The following KCNMB2 variants were observed in gnomAD, a reference collection of about 807,000 sequenced individuals.
KCNMB2 encodes calcium-activated potassium channel subunit beta-2.
Under a neutral mutation model 24.5 loss-of-function variants are expected in KCNMB2, and 9 were observed. The ratio of observed to expected loss-of-function variants is 0.37; its 90% confidence interval spans 0.22 to 0.64. The LOEUF (loss-of-function observed/expected upper bound fraction) is 0.64, where lower values mean the gene tolerates loss of function less well. Among genes scored for constraint, KCNMB2 ranks in the 30% least tolerant of loss-of-function variants. The pLI is 0.63. For synonymous variants in KCNMB2, 109 were observed against 104.4 expected, an observed-to-expected ratio of 1.04 and a Z score of -0.27; for missense variants, 226 against 284.3, an observed-to-expected ratio of 0.79 and a Z score of 1.47.
intron 1 of KCNMB2, among the ~76,000 whole-genome samples, chr3:178,749,892 C>G (rs927488361): frequency 6.6e-6 from 1 of 152,182 alleles, no homozygotes; most frequent in African/African-American, 2.4e-5. Flanking sequence ...TAATTTACCA[C>G]TCAGTATTTT....
chr3:178,547,305 A>G (rs1715806564), intron 1 of KCNMB2, among the ~76,000 whole-genome samples: 1 of 152,220 alleles, frequency 6.6e-6, no homozygotes, highest in Non-Finnish European at 1.5e-5. Context: ...AGTCTCAGGT[A>G]TTCTGTTATA....
intron 1 of KCNMB2, among the ~76,000 whole-genome samples, chr3:178,758,739 G>GATAT (rs543563641): frequency 3.2e-4 from 3 of 9,442 alleles, no homozygotes; most frequent in Non-Finnish European, 5.3e-4. Flanking sequence ...TCCAAGAGGA[G>GATAT]ATATATATAT....
intron 1 of KCNMB2, among the ~76,000 whole-genome samples, chr3:178,593,994 C>G (rs1332701630): frequency 1.3e-5 from 2 of 151,264 alleles, no homozygotes; most frequent in African/African-American, 4.9e-5. Context: ...CTTTGAGAGC[C>G]ATCACTTTGA....
chr3:178,748,827 T>C (rs1024000812), intron 1 of KCNMB2, among the ~76,000 whole-genome samples: 1 of 152,226 alleles, frequency 6.6e-6, no homozygotes. Context: ...TGGTGACCTA[T>C]GTCCACTATG....
At chr3:178,728,272 A>G (rs559431370) in intron 1 of KCNMB2, among the ~76,000 whole-genome samples, 1 of 152,300 alleles carries the variant, frequency 6.6e-6, no homozygotes, top group Non-Finnish European at 1.5e-5. Flanking sequence ...GGACCCTAAC[A>G]GTATTCACAT....
chr3:178,543,281 C>T (rs73050372), intron 1 of KCNMB2, among the ~76,000 whole-genome samples: 115 of 152,314 alleles, frequency 7.6e-4, no homozygotes, highest in African/African-American at 2.6e-3. Context: ...AAATGTCTGC[C>T]TCTCTGAGAT....
At chr3:178,822,237 G>T (rs1474315053) in intron 2 of KCNMB2, among the ~76,000 whole-genome samples, 2 of 152,182 alleles carry the variant, frequency 1.3e-5, no homozygotes, top group Non-Finnish European at 2.9e-5. Flanking sequence ...GAGTCTTTCT[G>T]TCTAAAATAC....
intron 1 of KCNMB2, among the ~76,000 whole-genome samples, chr3:178,557,747 C>T (rs774530386): frequency 6.6e-6 from 1 of 152,194 alleles, no homozygotes; most frequent in Non-Finnish European, 1.5e-5. Flanking sequence ...GAAATCTAAG[C>T]AGTGCATTGA....
intron 1 of KCNMB2, among the ~76,000 whole-genome samples, chr3:178,683,194 C>G (rs1577094679): frequency 6.6e-6 from 1 of 151,996 alleles, no homozygotes; most frequent in Admixed American, 6.6e-5. Flanking sequence ...AGCTAGAGAC[C>G]ATTATCCTTA....
At chr3:178,738,983 G>T (rs1169094042) in intron 1 of KCNMB2, among the ~76,000 whole-genome samples, 1 of 151,950 alleles carries the variant, frequency 6.6e-6, no homozygotes, top group African/African-American at 2.4e-5. Flanking sequence ...TGCAGGACAA[G>T]GGCATATATT....
chr3:178,795,137 T>C (rs1413520177), intron 1 of KCNMB2: 4 of 152,230 alleles, frequency 2.6e-5, no homozygotes, highest in African/African-American at 9.6e-5. Context: ...TTTGTTTTTT[T>C]TAAGGGCCCT....
At chr3:178,544,915 G>GT (rs541901582) in intron 1 of KCNMB2, among the ~76,000 whole-genome samples, 160 of 152,248 alleles carry the variant, frequency 1.1e-3, no homozygotes, top group Non-Finnish European at 1.7e-3. Context: ...TATACAATAG[G>GT]TTTTTTAAAA....
intron 1 of KCNMB2, among the ~76,000 whole-genome samples, chr3:178,786,207 T>C (rs1258431648): frequency 6.6e-6 from 1 of 152,182 alleles, no homozygotes; most frequent in Non-Finnish European, 1.5e-5. Context: ...ACACATATTA[T>C]GAGTTCAGAG....
At chr3:178,755,113 A>G (rs570756894) in intron 1 of KCNMB2, among the ~76,000 whole-genome samples, 8 of 152,238 alleles carry the variant, frequency 5.3e-5, no homozygotes, top group Non-Finnish European at 1.0e-4. Flanking sequence ...ACCAACAGCT[A>G]TGAGAGTGCC....
At chr3:178,606,584 C>G (rs997543969) in intron 1 of KCNMB2, among the ~76,000 whole-genome samples, 3 of 150,288 alleles carry the variant, frequency 2.0e-5, no homozygotes, top group Admixed American at 6.7e-5. Context: ...AGCAATTTGT[C>G]TCTGGATGAA....
chr3:178,817,227 A>ATATATATATATATATATATATAT (rs1408060884), intron 2 of KCNMB2, among the ~76,000 whole-genome samples: 10 of 148,344 alleles, frequency 6.7e-5, no homozygotes, highest in African/African-American at 2.1e-4. Context: ...ATATATATAT[A>ATATATATATATATATATATATAT]AATGAAGTGT....
intron 1 of KCNMB2, among the ~76,000 whole-genome samples, chr3:178,664,586 T>A (rs1221809849): frequency 1.3e-5 from 2 of 152,124 alleles, no homozygotes; most frequent in African/African-American, 4.8e-5. Flanking sequence ...TATCAGTCAT[T>A]CTTTGTACCC....
intron 1 of KCNMB2, among the ~76,000 whole-genome samples, chr3:178,687,779 T>A (rs779474873): frequency 1.3e-5 from 2 of 152,144 alleles, no homozygotes; most frequent in African/African-American, 4.8e-5. Context: ...GAAAATACCT[T>A]CAAAAATTTG....
intron 1 of KCNMB2, among the ~76,000 whole-genome samples, chr3:178,730,905 C>T (rs1162660954): frequency 6.6e-6 from 1 of 152,084 alleles, no homozygotes; most frequent in Admixed American, 6.6e-5. Flanking sequence ...TAAAACAGTA[C>T]CCCCTCTAAT....
Sources: allele counts gnomAD v4.1 joint callset (sites outside exome capture counted in the v4.1 genomes callset), GRCh38; gene constraint gnomAD v4.1.1; transcripts MANE v1.5; gene names NCBI Gene and HGNC (gene_info 2026-07-23, HGNC 2026-07-21).